Variants in ROBO2 observed in about 807,000 individuals in gnomAD.
ROBO2 encodes the protein roundabout homolog 2.
A neutral mutation model predicts 160.8 loss-of-function variants in ROBO2; 53 were observed. The ratio of observed to expected loss-of-function variants is 0.33; its 90% CI spans 0.26 to 0.41. ROBO2 has a LOEUF of 0.41. Among genes scored for constraint, ROBO2 ranks in the 10% least tolerant of loss-of-function variants. The pLI, the probability that ROBO2 is intolerant of heterozygous loss-of-function variation, is 1.00. For synonymous variants in ROBO2, 664 were observed against 611.7 expected (o/e 1.09, Z -1.26); for missense variants, 1,577 against 1,722.4 (o/e 0.92, Z 1.49).
chr3:76,476,604 C>CCACT (rs1216515759), intron 2 of ROBO2, among the ~76,000 whole-genome samples: 1 of 152,140 alleles, frequency 6.6e-6, no homozygotes, highest in African/African-American at 2.4e-5. Context: ...CTGCGCTGTA[C>CCACT]CACTGTTCAA....
At chr3:76,219,503 A>C (rs910779309) in intron 2 of ROBO2, among the ~76,000 whole-genome samples, 10 of 152,202 alleles carry the variant, frequency 6.6e-5, no homozygotes, top group Non-Finnish European at 1.0e-4. Context: ...ACCCCATCAA[A>C]AAGTGGGCGA....
intron 2 of ROBO2, among the ~76,000 whole-genome samples, chr3:77,114,309 T>C: frequency 6.6e-6 from 1 of 152,202 alleles, no homozygotes; most frequent in East Asian, 1.9e-4. Flanking sequence ...ATCATGTATA[T>C]TTTGTTTTCA....
intron 2 of ROBO2, among the ~76,000 whole-genome samples, chr3:76,851,363 A>T (rs2069328461): frequency 6.6e-6 from 1 of 152,226 alleles, no homozygotes; most frequent in South Asian, 2.1e-4. Context: ...ATGCTATAGG[A>T]TAGCACTGCT....
intron 2 of ROBO2, among the ~76,000 whole-genome samples, chr3:76,183,903 G>T (rs1318552395): frequency 1.3e-5 from 2 of 152,066 alleles, no homozygotes; most frequent in Non-Finnish European, 2.9e-5. Flanking sequence ...TGATTAATTT[G>T]ATTTTGGTAG....
At chr3:77,624,583 G>A (rs1188057822) in intron 23 of ROBO2, among the ~76,000 whole-genome samples, 1 of 152,134 alleles carries the variant, frequency 6.6e-6, no homozygotes, top group Non-Finnish European at 1.5e-5. Flanking sequence ...GACACTTAAT[G>A]CTAGTTTAAT....
intron 2 of ROBO2, among the ~76,000 whole-genome samples, chr3:77,363,190 C>T (rs2070311433): frequency 6.6e-6 from 1 of 152,128 alleles, no homozygotes; most frequent in Admixed American, 6.6e-5. Context: ...ACTCAGCAAG[C>T]TATTTCAATT....
intron 2 of ROBO2, among the ~76,000 whole-genome samples, chr3:76,773,763 A>G (rs2062059764): frequency 6.6e-6 from 1 of 150,708 alleles, no homozygotes. Context: ...CCCTCTGATT[A>G]GATAGAGATA....
rs541684958 is a variant in ROBO2 at position 76,019,173 on chromosome 3, T to G, written c.109+81571T>G. On this transcript the variant is annotated intron_variant, in intron 2 of 26. Coordinates refer to the ROBO2 transcript ENST00000487694. ...TTGCATTATGGTCTCCCCACATGGT[T>G]AGGTTTTCTCTGAAGTTCCGTATGT... is the stretch of plus-strand genomic sequence containing the variant. Among the ~76,000 whole-genome samples, 37 of 152,024 alleles carry G rather than the reference T, an allele frequency of 2.4e-4. No homozygotes were observed. The South Asian group carries it at 6.8e-3, about 28-fold the overall frequency.
chr3:76,406,605 A>G (rs2078138470), intron 2 of ROBO2, among the ~76,000 whole-genome samples: 2 of 151,818 alleles, frequency 1.3e-5, no homozygotes, highest in Admixed American at 1.3e-4. Flanking sequence ...TCCTCAAGAA[A>G]CATGATTCAC....
chr3:77,251,695 C>CG (rs1256007379), intron 2 of ROBO2, among the ~76,000 whole-genome samples: 1 of 152,030 alleles, frequency 6.6e-6, no homozygotes, highest in Non-Finnish European at 1.5e-5. Context: ...GATTGAATCA[C>CG]GGGGGCGGTC....
intron 2 of ROBO2, among the ~76,000 whole-genome samples, chr3:77,171,310 G>A (rs1332061935): frequency 6.6e-6 from 1 of 152,140 alleles, no homozygotes; most frequent in African/African-American, 2.4e-5. Context: ...GCATAACAGG[G>A]CCAAGGCACA....
intron 2 of ROBO2, chr3:76,434,033 A>G: frequency 8.1e-7 from 1 of 1,237,646 alleles, no homozygotes; most frequent in Non-Finnish European, 1.2e-6. Context: ...TGACATGCAA[A>G]ATCTGGTAGA....
chr3:77,486,080 C>T (rs1369710387), intron 4 of ROBO2, among the ~76,000 whole-genome samples: 1 of 152,152 alleles, frequency 6.6e-6, no homozygotes, highest in Non-Finnish European at 1.5e-5. Context: ...TGGCTTCCAG[C>T]TCCATCTGTG....
chr3:77,590,000 C>T (rs1303011211), intron 17 of ROBO2, among the ~76,000 whole-genome samples: 11 of 152,148 alleles, frequency 7.2e-5, no homozygotes, highest in East Asian at 1.9e-4. Context: ...TAAGCTTTTA[C>T]GATGCTGTGG....
intron 2 of ROBO2, among the ~76,000 whole-genome samples, chr3:76,848,733 A>G (rs1169776293): frequency 1.3e-5 from 2 of 152,110 alleles, no homozygotes; most frequent in Admixed American, 1.3e-4. Flanking sequence ...GCCTTTTTAT[A>G]AGGGCACTGA....
At position 77,641,929 on chromosome 3, in the gene ROBO2, A is replaced by C. The variant is rs534254819; in HGVS notation, c.3935-2775A>C. Among the ~76,000 whole-genome samples, 11 of 152,306 alleles carry C rather than the reference A, an allele frequency of 7.2e-5. 1 individual carries two copies. In the South Asian group the frequency reaches 2.1e-3, roughly 29 times the overall value. Reference sequence around the variant, plus strand: ...CTTTAAAGAGCTTTTCTGAAAAATTATCTCTTCTACTCTATCTCAAATTTC... The same window carrying C: ...CTTTAAAGAGCTTTTCTGAAAAATTCTCTCTTCTACTCTATCTCAAATTTC... On this transcript the variant is annotated intron_variant, in intron 24 of 25. Transcript: ENST00000461745.
chr3:77,001,412 A>G (rs138689156), intron 2 of ROBO2, among the ~76,000 whole-genome samples: 1 of 152,318 alleles, frequency 6.6e-6, no homozygotes, highest in East Asian at 1.9e-4. Context: ...CATCGGTATT[A>G]AAAATAGTTG....
chr3:76,703,353 G>C (rs1045837196), intron 2 of ROBO2, among the ~76,000 whole-genome samples: 3 of 151,972 alleles, frequency 2.0e-5, no homozygotes, highest in African/African-American at 7.2e-5. Context: ...TTAGTACCCT[G>C]TCATTTATTT....
At chr3:76,740,180 A>C (rs1157613539) in intron 2 of ROBO2, among the ~76,000 whole-genome samples, 3 of 152,222 alleles carry the variant, frequency 2.0e-5, no homozygotes, top group Non-Finnish European at 2.9e-5. Flanking sequence ...AAAGATACAA[A>C]GGAGGATACA....
Sources: allele counts gnomAD v4.1 joint callset (sites outside exome capture counted in the v4.1 genomes callset), GRCh38; gene constraint gnomAD v4.1.1; transcripts MANE v1.5; gene names NCBI Gene and HGNC (gene_info 2026-07-23, HGNC 2026-07-21).